Variants in PLCL1 observed in about 807,000 individuals in gnomAD.
PLCL1 encodes the protein phospholipase C like 1 (inactive), also known as inactive phospholipase C-like protein 1.
In PLCL1, 41 loss-of-function variants were observed where a neutral mutation model predicts 84.4. The observed-to-expected ratio is 0.49, with a 90% CI of 0.38 to 0.63. The LOEUF is 0.63. Ranked by LOEUF, PLCL1 falls within the 30% of genes least tolerant of loss-of-function variation. The probability of loss-of-function intolerance (pLI) is 0.00; values close to 1 mark genes in which losing one functional copy is unlikely to be tolerated. For missense variants in PLCL1, 1,206 were observed against 1,367.8 expected, an observed-to-expected ratio of 0.88 and a Z score of 1.87; for synonymous variants, 490 against 488.3, an observed-to-expected ratio of 1.00 and a Z score of -0.05.
chr2:197,835,941 C>T (rs964905406), intron 1 of PLCL1, among the ~76,000 whole-genome samples: 35 of 152,068 alleles, frequency 2.3e-4, no homozygotes, highest in African/African-American at 8.2e-4. Flanking sequence ...TTCAAATCTA[C>T]CTATTTCCCA....
intron 1 of PLCL1, among the ~76,000 whole-genome samples, chr2:197,892,177 T>A (rs1156475198): frequency 6.6e-6 from 1 of 152,178 alleles, no homozygotes; most frequent in East Asian, 1.9e-4. Context: ...GAGCCAATTT[T>A]CTAGTTAAGT....
At chr2:198,143,447 G>C (rs1457880476) in intron 5 of PLCL1, among the ~76,000 whole-genome samples, 1 of 152,130 alleles carries the variant, frequency 6.6e-6, no homozygotes, top group African/African-American at 2.4e-5. Flanking sequence ...GACACCTGCT[G>C]TACCTAATAT....
At chr2:198,029,577 G>A (rs1054329435) in intron 1 of PLCL1, among the ~76,000 whole-genome samples, 3 of 152,114 alleles carry the variant, frequency 2.0e-5, no homozygotes, top group African/African-American at 7.2e-5. Flanking sequence ...TGGGCTGATG[G>A]CTACGCTTGG....
At chr2:197,978,057 T>G (rs1046936277) in intron 1 of PLCL1, among the ~76,000 whole-genome samples, 2 of 152,366 alleles carry the variant, frequency 1.3e-5, no homozygotes, top group East Asian at 3.9e-4. Context: ...TAGTAGATTA[T>G]CTTAGGTTAC....
intron 1 of PLCL1, among the ~76,000 whole-genome samples, chr2:197,854,698 G>T (rs1005665182): frequency 6.6e-6 from 1 of 152,154 alleles, no homozygotes; most frequent in African/African-American, 2.4e-5. Context: ...GTGTAATGAG[G>T]TAAGTTTATT....
At chr2:197,974,699 C>G (rs1281391047) in intron 1 of PLCL1, among the ~76,000 whole-genome samples, 1 of 152,226 alleles carries the variant, frequency 6.6e-6, no homozygotes, top group African/African-American at 2.4e-5. Context: ...TTGTTCATTG[C>G]TAAGCTCATG....
intron 1 of PLCL1, among the ~76,000 whole-genome samples, chr2:198,080,833 G>T (rs533346341): frequency 1.2e-4 from 18 of 152,238 alleles, no homozygotes; most frequent in African/African-American, 4.3e-4. Context: ...CAAGTTTTAG[G>T]TGGGATTTTG....
intron 1 of PLCL1, among the ~76,000 whole-genome samples, chr2:198,061,773 G>A (rs972203885): frequency 1.3e-5 from 2 of 151,992 alleles, no homozygotes; most frequent in Non-Finnish European, 2.9e-5. Context: ...CTAATTTTTT[G>A]TATGTTTAGT....
chr2:198,023,230 C>G (rs759702384), intron 1 of PLCL1, among the ~76,000 whole-genome samples: 38 of 152,146 alleles, frequency 2.5e-4, no homozygotes, highest in Middle Eastern at 3.2e-3. Flanking sequence ...CTTCCTTACA[C>G]CTTATACAAA....
intron 1 of PLCL1, among the ~76,000 whole-genome samples, chr2:197,886,182 C>T (rs1394019508): frequency 2.6e-5 from 4 of 152,040 alleles, no homozygotes; most frequent in East Asian, 1.9e-4. Flanking sequence ...GAGGCTGAGG[C>T]GGGCGGATCA....
rs559195956 is a variant in PLCL1, at chr2:197,975,003, C to T, written c.241-108755C>T. 9.4e-4 allele frequency among the ~76,000 whole-genome samples: 142 copies of T among 151,506 alleles called. 1 individual carries two copies. Among genetic ancestry groups the T allele is most frequent in the Non-Finnish European group, 1.6e-3 (111 of 67,800 alleles). The stretch of plus-strand genomic sequence containing the variant: ...AAAAATACAAAAAATTAGCCGGGCG[C>T]GGTGGCGGGCACCTGTAGTCCCAGC... On this transcript the variant is annotated intron_variant, in intron 1 of 5. Coordinates refer to ENST00000428675, the MANE Select transcript of PLCL1 (RefSeq NM_006226.4).
At position 197,805,126 on chromosome 2, in the gene PLCL1, G is replaced by A. The variant is rs1300537548; in HGVS notation, c.27G>A (p.Glu9=). The A allele has an allele frequency of 7.6e-7, 1 of 1,320,358 alleles. No homozygotes were observed. Among genetic ancestry groups the A allele is most frequent in the Non-Finnish European group, 9.6e-7 (1 of 1,039,774 alleles). 81.8% of individuals were successfully genotyped at this position (1,320,358 alleles called of 1,614,324 possible). A position where few individuals can be genotyped will look rare whatever the true frequency, so the allele number is the denominator to read the frequency against. ...TGGCCGAGGGCGCGGCCGGCAGGGA[G>A]GATCCGGCGCCGCCCGACGCGGCGG... MAEGAAGR[E]DPAPPDAAGG... is the part of the protein sequence containing the mutation. The change falls in exon 1 of 6, where the codon GAG becomes GAA. Residue 9 remains glutamate (E), a synonymous_variant. Coordinates refer to ENST00000428675, the MANE Select transcript of PLCL1 (RefSeq NM_006226.4). This position sits in a 1 kb window ranked among gnomAD's most constrained non-coding sequence, Gnocchi z 4.0.
At chr2:198,117,765 T>G (rs1693778558) in intron 5 of PLCL1, among the ~76,000 whole-genome samples, 1 of 151,928 alleles carries the variant, frequency 6.6e-6, no homozygotes. Flanking sequence ...GTCCTAGTAT[T>G]AAATCTGAGT....
chr2:198,075,222 GC>G (rs1375773540), intron 1 of PLCL1, among the ~76,000 whole-genome samples: 1 of 152,152 alleles, frequency 6.6e-6, no homozygotes, highest in African/African-American at 2.4e-5. Context: ...CGGTCTCCAA[GC>G]CCACTTGGTT....
chr2:197,940,927 TAC>T (rs1689146509), intron 1 of PLCL1, among the ~76,000 whole-genome samples: 1 of 152,224 alleles, frequency 6.6e-6, no homozygotes, highest in East Asian at 1.9e-4. Flanking sequence ...GATGAAAGTA[TAC>T]AGTCTTAGGA....
In PLCL1 at chr2:198,088,891, C is replaced by A; in HGVS notation, c.2749C>A (p.Leu917Ile). The A allele has an allele frequency of 6.2e-7, 1 of 1,612,120 alleles. No homozygotes were observed. Among genetic ancestry groups the A allele is most frequent in the Non-Finnish European group, 8.5e-7 (1 of 1,178,180 alleles). The change falls in exon 3 of 6, where the codon CTC becomes ATC. Residue 917 changes from leucine (L) to isoleucine (I), a missense_variant. Coordinates refer to ENST00000428675, the MANE Select transcript of PLCL1 (RefSeq NM_006226.4). ...CGTGTCTATTAAGGAACTATGTGGA[C>A]TCCCTCCAATTGCCAGTCTGAAGCA... Reference protein sequence around the residue: ...AIVSIKELCGLPPIASLKQCL... With the variant: ...AIVSIKELCGIPPIASLKQCL...
intron 1 of PLCL1, among the ~76,000 whole-genome samples, chr2:197,978,716 G>C (rs1690039726): frequency 6.6e-6 from 1 of 152,244 alleles, no homozygotes; most frequent in African/African-American, 2.4e-5. Context: ...TGGCAGCTCA[G>C]CGTAGCTCAG....
At chr2:197,826,976 C>G (rs755251042) in intron 1 of PLCL1, among the ~76,000 whole-genome samples, 17 of 152,104 alleles carry the variant, frequency 1.1e-4, no homozygotes, top group Non-Finnish European at 2.4e-4. Context: ...CCTCTTCTAT[C>G]ATATCCAATG....
At chr2:197,910,818 C>G (rs746080536) in intron 1 of PLCL1, among the ~76,000 whole-genome samples, 1 of 152,100 alleles carries the variant, frequency 6.6e-6, no homozygotes, top group East Asian at 1.9e-4. Context: ...TTCAATGTAA[C>G]GCATATTACA....
Sources: allele counts gnomAD v4.1 joint callset (sites outside exome capture counted in the v4.1 genomes callset), GRCh38; gene constraint gnomAD v4.1.1; non-coding constraint Gnocchi (gnomAD v3.1); transcripts MANE v1.5; gene names NCBI Gene and HGNC (gene_info 2026-07-23, HGNC 2026-07-21).